Variants in ALK observed in about 807,000 individuals in gnomAD.
ALK encodes the protein ALK tyrosine kinase receptor.
A neutral mutation model predicts 163.1 loss-of-function variants in ALK; 74 were observed. The observed-to-expected ratio is 0.45, with a 90% CI of 0.38 to 0.55. The LOEUF (loss-of-function observed/expected upper bound fraction) is 0.55, where lower values mean the gene tolerates loss of function less well. Ranked by LOEUF, ALK falls within the 20% of genes least tolerant of loss-of-function variation. ALK has a pLI of 0.00. For synonymous variants in ALK, 960 were observed against 843.2 expected (o/e 1.14, Z -2.40); for missense variants, 2,063 against 2,105.3 (o/e 0.98, Z 0.39).
At chr2:29,418,909 A>T (rs543194272) in intron 4 of ALK, among the ~76,000 whole-genome samples, 1 of 148,946 alleles carries the variant, frequency 6.7e-6, no homozygotes, top group South Asian at 2.1e-4. Context: ...ATCATTGAAA[A>T]ATTATTTTTA....
chr2:29,608,245 T>C (rs1675594728), intron 3 of ALK, among the ~76,000 whole-genome samples: 1 of 152,246 alleles, frequency 6.6e-6, no homozygotes, highest in Admixed American at 6.5e-5. Flanking sequence ...ATATATTCTC[T>C]ACATCTGCTT....
At chr2:29,790,747 C>A (rs1232825518) in intron 1 of ALK, among the ~76,000 whole-genome samples, 1 of 152,142 alleles carries the variant, frequency 6.6e-6, no homozygotes, top group East Asian at 1.9e-4. Context: ...CTACACCCGG[C>A]TAATTTTTGT....
rs1573078445 is a variant in ALK at position 29,193,622 on chromosome 2, A to G, written c.4465T>C (p.Leu1489=). 2 of 1,613,950 alleles carry G rather than the reference A, an allele frequency of 1.2e-6. No homozygotes were observed. The highest frequency in any genetic ancestry group is 2.7e-5 in the African/African-American group (2 of 74,884). ...AFSQSNPPSE[L]HKVHGSRNKP... is the part of the protein sequence containing the mutation. ...TTTCTGGATCCGTGGACCTTGTGCA[A>G]CTCCGAAGGAGGGTTGGACTGAGAG... Residue 1489 remains leucine, a synonymous_variant, in exon 29 of 29, where the codon TTG becomes CTG. Coordinates refer to ENST00000389048, the MANE Select transcript of ALK (RefSeq NM_004304.5).
intron 5 of ALK, among the ~76,000 whole-genome samples, chr2:29,369,513 A>T (rs1483306090): frequency 6.6e-6 from 1 of 152,182 alleles, no homozygotes; most frequent in African/African-American, 2.4e-5. Flanking sequence ...CAACCATTTC[A>T]GCCACCTTGT....
At chr2:29,595,774 CTAAG>C (rs1448056225) in intron 3 of ALK, among the ~76,000 whole-genome samples, 4 of 152,078 alleles carry the variant, frequency 2.6e-5, no homozygotes, top group Non-Finnish European at 4.4e-5. Flanking sequence ...AATTTTAAAA[CTAAG>C]TAAGCCAATG....
At chr2:29,499,779 AT>A (rs1212609358) in intron 4 of ALK, among the ~76,000 whole-genome samples, 3 of 151,638 alleles carry the variant, frequency 2.0e-5, no homozygotes, top group Non-Finnish European at 4.4e-5. Context: ...TTCCTGACTG[AT>A]TGAGTCTTGC....
chr2:29,404,852 G>T (rs1288209400), intron 4 of ALK, among the ~76,000 whole-genome samples: 1 of 152,184 alleles, frequency 6.6e-6, no homozygotes, highest in African/African-American at 2.4e-5. Context: ...GATGTTCCAG[G>T]TAGGTATCAT....
At position 29,644,464 on chromosome 2, in the gene ALK, G is replaced by T. The variant is rs560990485; in HGVS notation, c.952+50386C>A. On this transcript the variant is annotated intron_variant, in intron 3 of 28. Transcript: ENST00000389048. ...CCTTCAGTATTTTTCACCTAGAGCT[G>T]CTTCTAGCTTTCCCTGTGGTTTCAG... Among the ~76,000 whole-genome samples the T allele has an allele frequency of 3.9e-5, 6 of 152,026 alleles. No homozygotes were observed. In the South Asian group the frequency reaches 1.2e-3, roughly 32 times the overall value.
At chr2:29,478,209 T>C (rs1671573838) in intron 4 of ALK, among the ~76,000 whole-genome samples, 1 of 152,224 alleles carries the variant, frequency 6.6e-6, no homozygotes, top group South Asian at 2.1e-4. Context: ...GAAACATACA[T>C]ATGAATATGG....
intron 5 of ALK, among the ~76,000 whole-genome samples, chr2:29,347,400 G>T (rs1406231): frequency 0.021 from 3,144 of 152,310 alleles, 79 homozygotes; most frequent in East Asian, 0.11. Context: ...GAGGAACACT[G>T]CACAGGACCA....
At chr2:29,640,702 T>C (rs1676677506) in intron 3 of ALK, among the ~76,000 whole-genome samples, 1 of 152,168 alleles carries the variant, frequency 6.6e-6, no homozygotes, top group African/African-American at 2.4e-5. Flanking sequence ...AATATGGAGT[T>C]AGTCTCGAAA....
intron 3 of ALK, among the ~76,000 whole-genome samples, chr2:29,548,122 G>A (rs4359597): frequency 0.016 from 2,388 of 152,184 alleles, 67 homozygotes; most frequent in African/African-American, 0.053. Flanking sequence ...CTGGAGGTGT[G>A]GCAGCTGTCT....
At position 29,774,396 on chromosome 2, in the gene ALK, C is replaced by T. The variant is rs999414531; in HGVS notation, c.668-56699G>A. On this transcript the variant is annotated intron_variant, in intron 1 of 28. Coordinates refer to ENST00000389048, the MANE Select transcript of ALK (RefSeq NM_004304.5). ...TTCTCTGGTTCCCACATACCCACAT[C>T]GTAATCATTCTGGGAACCCAGTGCT... Among the ~76,000 whole-genome samples, 10 of 152,282 alleles carry T rather than the reference C, an allele frequency of 6.6e-5. No homozygotes were observed. The South Asian group carries it at 1.9e-3, about 28-fold the overall frequency.
At chr2:29,917,188 G>C (rs1278749794) in intron 1 of ALK, among the ~76,000 whole-genome samples, 1 of 152,084 alleles carries the variant, frequency 6.6e-6, no homozygotes, top group Non-Finnish European at 1.5e-5. Context: ...GAGCCAAATG[G>C]GCTGCTCCAG....
At chr2:29,281,620 G>C (rs1423770798) in intron 9 of ALK, among the ~76,000 whole-genome samples, 1 of 152,156 alleles carries the variant, frequency 6.6e-6, no homozygotes, top group Non-Finnish European at 1.5e-5. Context: ...AACAGACTTG[G>C]CTAGAGATCT....
chr2:29,752,709 G>A (rs187017414), intron 1 of ALK, among the ~76,000 whole-genome samples: 6 of 152,262 alleles, frequency 3.9e-5, no homozygotes, highest in Non-Finnish European at 4.4e-5. Flanking sequence ...CTAGCTCGAG[G>A]AGCTTCTATA....
intron 3 of ALK, among the ~76,000 whole-genome samples, chr2:29,623,684 T>A (rs1050721729): frequency 6.6e-6 from 1 of 152,240 alleles, no homozygotes; most frequent in Non-Finnish European, 1.5e-5. Context: ...TGTTCTTAAC[T>A]GTAATGATAT....
intron 3 of ALK, among the ~76,000 whole-genome samples, chr2:29,610,084 C>T (rs187138815): frequency 4.4e-4 from 67 of 152,306 alleles, no homozygotes; most frequent in South Asian, 1.5e-3. Context: ...TTCCAGTAGG[C>T]CTGTGAACCC....
intron 4 of ALK, among the ~76,000 whole-genome samples, chr2:29,400,067 A>C (rs2148314403): frequency 6.6e-6 from 1 of 152,304 alleles, no homozygotes; most frequent in Non-Finnish European, 1.5e-5. Context: ...GTTTGTGGGC[A>C]TGGGCTCGGT....
Sources: allele counts gnomAD v4.1 joint callset (sites outside exome capture counted in the v4.1 genomes callset), GRCh38; gene constraint gnomAD v4.1.1; transcripts MANE v1.5; gene names NCBI Gene and HGNC (gene_info 2026-07-23, HGNC 2026-07-21).